Variants in TRAPPC9 observed in about 807,000 individuals in gnomAD.
TRAPPC9 encodes the protein trafficking protein particle complex subunit 9, also known as IKK2 binding protein.
A neutral mutation model predicts 124.0 loss-of-function variants in TRAPPC9; 83 were observed. The ratio of observed to expected loss-of-function variants is 0.67; its 90% confidence interval spans 0.56 to 0.80. TRAPPC9 has a LOEUF of 0.80. TRAPPC9 is among the 30% of genes least tolerant of loss of function. The pLI, the probability that TRAPPC9 is intolerant of heterozygous loss-of-function variation, is 0.00. For missense variants in TRAPPC9, 1,302 were observed against 1,508.3 expected (o/e 0.86, Z 2.27); for synonymous variants, 638 against 617.5 (o/e 1.03, Z -0.49).
At chr8:140,166,444 C>A (rs1162935367) in intron 17 of TRAPPC9, among the ~76,000 whole-genome samples, 1 of 152,252 alleles carries the variant, frequency 6.6e-6, no homozygotes, top group Non-Finnish European at 1.5e-5. Flanking sequence ...ACACATGGTC[C>A]TCACCTCCAG....
At chr8:140,068,593 G>T (rs976774923) in intron 17 of TRAPPC9, among the ~76,000 whole-genome samples, 4 of 152,220 alleles carry the variant, frequency 2.6e-5, no homozygotes, top group African/African-American at 9.7e-5. Flanking sequence ...AGCCACGCTT[G>T]TCATGAAATC....
chr8:139,933,829 C>A (rs1014299207), intron 19 of TRAPPC9: 1 of 152,298 alleles, frequency 6.6e-6, no homozygotes, highest in African/African-American at 2.4e-5. Context: ...CTTACGTAGC[C>A]GTGTGAGCTC....
intron 8 of TRAPPC9, among the ~76,000 whole-genome samples, 166 bp from the exon 9 acceptor site, chr8:140,360,359 C>T (rs757813159): frequency 2.0e-5 from 3 of 152,182 alleles, no homozygotes; most frequent in African/African-American, 4.8e-5. Flanking sequence ...TGGAAAAGTA[C>T]TTTAAAGTTG....
chr8:139,932,426 TCATAAG>T (rs1420904190), intron 19 of TRAPPC9: 1 of 457,820 alleles, frequency 2.2e-6, no homozygotes, highest in Admixed American at 2.3e-5. Flanking sequence ...CTTTCTCCCG[TCATAAG>T]TACAAGATGT....
At chr8:140,141,655 G>A (rs1414198803) in intron 17 of TRAPPC9, among the ~76,000 whole-genome samples, 4 of 152,196 alleles carry the variant, frequency 2.6e-5, no homozygotes, top group African/African-American at 9.7e-5. Flanking sequence ...TATTCATAAA[G>A]AGATACTTTG....
chr8:140,450,347 T>C (rs1455631459), intron 2 of TRAPPC9, among the ~76,000 whole-genome samples: 3 of 151,980 alleles, frequency 2.0e-5, no homozygotes, highest in East Asian at 3.9e-4. Flanking sequence ...AGAGACAGAG[T>C]AAGACTCTGT....
intron 19 of TRAPPC9, chr8:139,933,629 C>G (rs1017954284): frequency 1.3e-4 from 20 of 152,394 alleles, no homozygotes; most frequent in African/African-American, 4.8e-4. Context: ...CCCTGAGGAC[C>G]ACACTGGCTG....
chr8:140,228,593 G>C (rs2063507615), intron 16 of TRAPPC9, among the ~76,000 whole-genome samples: 1 of 152,154 alleles, frequency 6.6e-6, no homozygotes, highest in Non-Finnish European at 1.5e-5. Flanking sequence ...CCTTCTGTTG[G>C]ATGCTCCCTG....
chr8:140,087,441 C>T lies in TRAPPC9; in HGVS notation c.2557-63362G>A, dbSNP rs949936551. 1.3e-5 allele frequency among the ~76,000 whole-genome samples: 2 copies of T among 152,214 alleles called. No individual in the cohort carries two copies. The highest frequency in any genetic ancestry group is 2.4e-5 in the African/African-American group (1 of 41,458). The stretch of plus-strand genomic sequence containing the variant: ...CACAGATGGAACACCAACAGGCTCC[C>T]GCACAGCCCCGCTGAAGAGCCGAAC... On this transcript the variant is annotated intron_variant, in intron 17 of 22. Transcript: ENST00000438773. This position sits in a 1 kb window ranked among gnomAD's most constrained non-coding sequence, Gnocchi z 4.6.
intron 17 of TRAPPC9, among the ~76,000 whole-genome samples, chr8:140,024,402 T>A (rs903996119): frequency 2.5e-5 from 1 of 40,350 alleles, no homozygotes; most frequent in Non-Finnish European, 7.1e-5. Context: ...ATATGGTTTC[T>A]TTTTTTTTTT....
At chr8:139,989,946 C>T (rs575074892) in intron 18 of TRAPPC9, among the ~76,000 whole-genome samples, 118 of 152,250 alleles carry the variant, frequency 7.8e-4, no homozygotes, top group African/African-American at 2.7e-3. Context: ...GATGGCTGCA[C>T]CCACGACAGG....
intron 19 of TRAPPC9, among the ~76,000 whole-genome samples, chr8:139,975,027 T>C (rs1210047598): frequency 1.3e-5 from 2 of 152,146 alleles, no homozygotes; most frequent in Non-Finnish European, 2.9e-5. Context: ...AAGCCCATCC[T>C]TGTCTCCAGA....
chr8:140,158,473 C>G (rs1399519151), intron 17 of TRAPPC9, among the ~76,000 whole-genome samples: 1 of 152,136 alleles, frequency 6.6e-6, no homozygotes, highest in East Asian at 1.9e-4. Flanking sequence ...CAGACTCTCC[C>G]CAAGAGTGCT....
At chr8:139,810,563 C>T (rs1312674861) in intron 21 of TRAPPC9, among the ~76,000 whole-genome samples, 1 of 152,170 alleles carries the variant, frequency 6.6e-6, no homozygotes. Context: ...TACCAGCACA[C>T]CACTGCGTAA....
rs578158692 is a variant in TRAPPC9, at chr8:139,988,139, C to T, written c.2810+587G>A. ...TTTTTTTTTTTTTGAGGCGGAGTCT[C>T]GCTCTGTCGCCCAGGCTGGAGTACG... On this transcript the variant is annotated intron_variant, in intron 19 of 22. Coordinates refer to ENST00000438773, the MANE Select transcript of TRAPPC9 (RefSeq NM_001160372.4). Among the ~76,000 whole-genome samples the T allele has an allele frequency of 1.1e-4, 15 of 141,844 alleles. No homozygotes were observed. In the South Asian group the frequency reaches 3.2e-3, roughly 30 times the overall value. The allele number at this position is 141,844 out of a possible 152,430, so 93.1% of individuals were successfully genotyped here.
chr8:140,123,825 T>G (rs921003199), intron 17 of TRAPPC9, among the ~76,000 whole-genome samples: 1 of 152,218 alleles, frequency 6.6e-6, no homozygotes, highest in African/African-American at 2.4e-5. Context: ...GATGAATGAA[T>G]GGAAGTCTTG....
intron 20 of TRAPPC9, among the ~76,000 whole-genome samples, chr8:139,899,864 A>G (rs1013875365): frequency 6.6e-6 from 1 of 152,168 alleles, no homozygotes; most frequent in Non-Finnish European, 1.5e-5. Flanking sequence ...AGGCTGGGAG[A>G]GAAAGCAGAG....
chr8:140,360,371 C>T (rs1030269128), intron 8 of TRAPPC9, among the ~76,000 whole-genome samples, 178 bp from the exon 9 acceptor site: 7 of 152,160 alleles, frequency 4.6e-5, no homozygotes, highest in Admixed American at 1.3e-4. Context: ...TTAAAGTTGG[C>T]ATGGTTTTCA....
intron 7 of TRAPPC9, among the ~76,000 whole-genome samples, chr8:140,380,311 T>C (rs186699631): frequency 9.8e-4 from 149 of 152,312 alleles, no homozygotes; most frequent in African/African-American, 3.3e-3. Context: ...GGGGAAAGAA[T>C]TGTCTTTACA....
Sources: gnomAD v4.1 joint callset for allele counts (sites outside exome capture counted in the v4.1 genomes callset) on GRCh38, gnomAD v4.1.1 for gene constraint, Gnocchi (gnomAD v3.1) non-coding constraint, MANE v1.5 for transcripts, NCBI Gene and HGNC (gene_info 2026-07-23, HGNC 2026-07-21) for gene names.